ZFPM2: variants seen among roughly 807,000 people sequenced by gnomAD.
ZFPM2 encodes zinc finger protein, FOG family member 2.
ZFPM2 carries 20 observed loss-of-function variants against 98.6 expected under a neutral mutation model. The ratio of observed to expected loss-of-function variants is 0.20; its 90% CI spans 0.14 to 0.29. The LOEUF (loss-of-function observed/expected upper bound fraction) is 0.29. ZFPM2 is among the 10% of genes least tolerant of loss of function. ZFPM2 has a pLI of 1.00. For synonymous variants in ZFPM2, 518 were observed against 502.7 expected (o/e 1.03, Z -0.41); for missense variants, 1,310 against 1,388.6 (o/e 0.94, Z 0.90).
chr8:105,665,169 A>G (rs1250518399), intron 5 of ZFPM2, among the ~76,000 whole-genome samples: 1 of 152,132 alleles, frequency 6.6e-6, no homozygotes, highest in Admixed American at 6.5e-5. Context: ...TTAGCTTTTT[A>G]TAACAATCCA....
intron 5 of ZFPM2, among the ~76,000 whole-genome samples, chr8:105,637,444 G>T (rs1316778770): frequency 1.3e-5 from 2 of 152,096 alleles, no homozygotes; most frequent in African/African-American, 2.4e-5. Flanking sequence ...AATGGATGCT[G>T]CTATTAATGA....
At chr8:105,405,582 A>G (rs565790567) in intron 1 of ZFPM2, among the ~76,000 whole-genome samples, 715 of 152,048 alleles carry the variant, frequency 4.7e-3, no homozygotes, top group Non-Finnish European at 8.8e-3. Flanking sequence ...TTCCAGCTTC[A>G]TCCATGTCCC....
intron 3 of ZFPM2, among the ~76,000 whole-genome samples, chr8:105,491,967 C>T (rs1279065584): frequency 6.6e-6 from 1 of 152,132 alleles, no homozygotes; most frequent in Non-Finnish European, 1.5e-5. Context: ...CAAGTCATTA[C>T]ACTTTTTGAA....
At position 105,532,295 on chromosome 8, in the gene ZFPM2, T is replaced by A. The variant is rs539184282; in HGVS notation, c.302-29068T>A. 3.3e-4 allele frequency among the ~76,000 whole-genome samples: 51 copies of A among 152,310 alleles called. 2 individuals are homozygous for A. The South Asian group carries it at 0.011, about 32-fold the overall frequency. On this transcript the variant is annotated intron_variant, in intron 3 of 7. Coordinates refer to ENST00000407775, the MANE Select transcript of ZFPM2 (RefSeq NM_012082.4). ...AAGGAGTGCCTTATTTATATATGCATGTAAGTCCAGAACTTATATGAATTT... is the reference window on the plus strand; with the variant it reads ...AAGGAGTGCCTTATTTATATATGCAAGTAAGTCCAGAACTTATATGAATTT...
At chr8:105,418,521 A>T (rs1811727097) in intron 1 of ZFPM2, 1 of 513,862 alleles carries the variant, frequency 1.9e-6, no homozygotes, top group African/African-American at 1.9e-5. Context: ...TACAAATTAC[A>T]TTTTTTCATT....
At chr8:105,319,130 G>A in intron 1 of ZFPM2, 149 bp downstream of exon 1, 1 of 948,616 alleles carries the variant, frequency 1.1e-6, no homozygotes, top group East Asian at 4.1e-5. Flanking sequence ...GCAGTCGAAG[G>A]GACAACTAGA....
intron 3 of ZFPM2, among the ~76,000 whole-genome samples, chr8:105,447,967 A>G (rs1253718091): frequency 6.6e-6 from 1 of 152,108 alleles, no homozygotes; most frequent in Admixed American, 6.6e-5. Flanking sequence ...GATTAAGTGG[A>G]ACCTAAACAA....
intron 5 of ZFPM2, among the ~76,000 whole-genome samples, chr8:105,634,632 C>T (rs1289967808): frequency 6.6e-6 from 1 of 152,102 alleles, no homozygotes; most frequent in African/African-American, 2.4e-5. Flanking sequence ...ATATCTTTCT[C>T]TTGCTGTTAG....
At chr8:105,321,212 C>A (rs1338975717) in intron 1 of ZFPM2, among the ~76,000 whole-genome samples, 1 of 152,116 alleles carries the variant, frequency 6.6e-6, no homozygotes, top group Non-Finnish European at 1.5e-5. Context: ...TCTCCTTTTG[C>A]CTGTTCAGGC....
intron 3 of ZFPM2, among the ~76,000 whole-genome samples, chr8:105,459,582 A>T (rs1479976182): frequency 6.6e-6 from 1 of 152,130 alleles, no homozygotes; most frequent in Non-Finnish European, 1.5e-5. Flanking sequence ...GGAAGTCCAA[A>T]ATCAAGGTAT....
At chr8:105,539,969 C>G (rs1814541568) in intron 3 of ZFPM2, among the ~76,000 whole-genome samples, 1 of 152,116 alleles carries the variant, frequency 6.6e-6, no homozygotes, top group Non-Finnish European at 1.5e-5. Context: ...GTAATATTTT[C>G]AGAAGTGTTA....
intron 2 of ZFPM2, among the ~76,000 whole-genome samples, chr8:105,443,901 G>A (rs577330329): frequency 1.3e-5 from 2 of 152,122 alleles, no homozygotes; most frequent in African/African-American, 4.8e-5. Context: ...TTATTTATCT[G>A]CATCTTGTCT....
At chr8:105,760,063 A>C (rs1276327703) in intron 5 of ZFPM2, among the ~76,000 whole-genome samples, 1 of 151,900 alleles carries the variant, frequency 6.6e-6, no homozygotes, top group Non-Finnish European at 1.5e-5. Context: ...AGAGAGTAAG[A>C]GTGTTGAACA....
intron 4 of ZFPM2, among the ~76,000 whole-genome samples, chr8:105,584,752 A>G (rs1815676309): frequency 6.6e-6 from 1 of 152,170 alleles, no homozygotes; most frequent in Non-Finnish European, 1.5e-5. Flanking sequence ...TAGTCTGGAC[A>G]ATGTCTTAAA....
chr8:105,636,916 GA>G (rs1816857543), intron 5 of ZFPM2, among the ~76,000 whole-genome samples: 1 of 152,104 alleles, frequency 6.6e-6, no homozygotes. Context: ...TAGCTCCTAT[GA>G]GATAATCAAC....
intron 5 of ZFPM2, among the ~76,000 whole-genome samples, chr8:105,767,165 T>G (rs1812872441): frequency 6.6e-6 from 1 of 151,854 alleles, no homozygotes; most frequent in African/African-American, 2.4e-5. Flanking sequence ...GACAAACAGG[T>G]GTAAAGATTT....
At chr8:105,534,130 C>A in intron 3 of ZFPM2, among the ~76,000 whole-genome samples, 1 of 71,104 alleles carries the variant, frequency 1.4e-5, no homozygotes, top group African/African-American at 6.2e-5. Context: ...TTCCTTCCTC[C>A]CTTCCTTCCT....
chr8:105,637,924 AT>A (rs1236922295), intron 5 of ZFPM2, among the ~76,000 whole-genome samples: 1 of 152,006 alleles, frequency 6.6e-6, no homozygotes, highest in African/African-American at 2.4e-5. Flanking sequence ...AAGTGGTGGA[AT>A]TCTAACTGAA....
intron 6 of ZFPM2, among the ~76,000 whole-genome samples, chr8:105,792,184 AG>A (rs1813635950): frequency 6.6e-6 from 1 of 151,756 alleles, no homozygotes; most frequent in Non-Finnish European, 1.5e-5. Flanking sequence ...GTGATGTTAG[AG>A]TGTCAATTTT....
Sources: gnomAD v4.1 joint callset for allele counts (sites outside exome capture counted in the v4.1 genomes callset) on GRCh38, gnomAD v4.1.1 for gene constraint, MANE v1.5 for transcripts, NCBI Gene and HGNC (gene_info 2026-07-23, HGNC 2026-07-21) for gene names.